Variants in CEACAM21 observed in about 807,000 individuals in gnomAD.
CEACAM21 encodes CEA cell adhesion molecule 21, also known as cell adhesion molecule CEACAM21.
CEACAM21 carries 38 observed loss-of-function variants against 33.2 expected under a neutral mutation model. That is an observed-to-expected ratio of 1.14 (90% CI 0.88 to 1.50). The LOEUF (loss-of-function observed/expected upper bound fraction) is 1.50. Among genes scored for constraint, CEACAM21 ranks in the 40% most tolerant of loss-of-function variants. The probability of loss-of-function intolerance (pLI) is 0.00; values close to 1 mark genes in which losing one functional copy is unlikely to be tolerated. For missense variants in CEACAM21, 385 were observed against 364.6 expected, an observed-to-expected ratio of 1.06 and a Z score of -0.46; for synonymous variants, 156 against 143.0, an observed-to-expected ratio of 1.09 and a Z score of -0.65.
At chr19:41,583,672 A>T (rs781889383) in intron 3 of CEACAM21, among the ~76,000 whole-genome samples, 5 of 151,736 alleles carry the variant, frequency 3.3e-5, no homozygotes, top group Non-Finnish European at 7.4e-5. Context: ...TTATGAAACC[A>T]TCTGATCTCC....
chr19:41,577,452 A>G lies in CEACAM21; in HGVS notation c.317A>G (p.Asp106Gly), dbSNP rs1555791696. 1.2e-6 allele frequency: 2 copies of G among 1,614,160 alleles called. No individual in the cohort carries two copies. The highest frequency in any genetic ancestry group is 3.3e-5 in the Admixed American group (2 of 60,018). The change falls in exon 2 of 7, where the codon GAT becomes GGT. Residue 106 changes from aspartate (D) to glycine (G), a missense_variant. Transcript: ENST00000401445. ...CGAGAGACAATATCACCCAGTGGAG[A>G]TCTGCATTTCCAGAACGTCACCCTA... ...SGRETISPSG[D>G]LHFQNVTLED...
chr19:41,578,532 C>G (rs138863709), intron 2 of CEACAM21, among the ~76,000 whole-genome samples: 1,684 of 152,298 alleles, frequency 0.011, 29 homozygotes, highest in African/African-American at 0.038. Context: ...AGCCCAGAAT[C>G]TGGTCGTGGC....
chr19:41,585,206 A>G (rs2070635141), intron 4 of CEACAM21, among the ~76,000 whole-genome samples: 1 of 151,966 alleles, frequency 6.6e-6, no homozygotes, highest in Non-Finnish European at 1.5e-5. Context: ...CACTGGATCA[A>G]TGTTCTCCTG....
upstream of CEACAM21, among the ~76,000 whole-genome samples, chr19:41,572,734 G>A (rs1276174350): frequency 6.6e-6 from 1 of 152,056 alleles, no homozygotes; most frequent in African/African-American, 2.4e-5. Context: ...CATAGAATCC[G>A]GCCCTGAATT....
Position 41,585,735 on chromosome 19 carries a change from G to A in CEACAM21, c.851-105G>A, listed in dbSNP as rs925917716. On this transcript the variant is annotated intron_variant, in intron 5 of 6. Transcript: ENST00000401445. ...TGACCCCTAAAATAACCTGAGAAAG[G>A]CTCCCTCTCCCCAATTCTCTAAGAA... 3.2e-6 allele frequency: 4 copies of A among 1,253,346 alleles called. No individual in the cohort carries two copies. In the African/African-American group the frequency reaches 6.0e-5, roughly 19 times the overall value. The allele number at this position is 1,253,346 out of a possible 1,614,324, so 77.6% of individuals were successfully genotyped here.
chr19:41,583,893 G>T (rs2070503429), intron 3 of CEACAM21, among the ~76,000 whole-genome samples: 1 of 151,702 alleles, frequency 6.6e-6, no homozygotes. Context: ...AAGGCAATGG[G>T]AGGGTGAGAA....
intron 1 of CEACAM21, chr19:41,551,401 C>T (rs531070180): frequency 6.6e-6 from 1 of 152,352 alleles, no homozygotes; most frequent in East Asian, 1.9e-4. Context: ...TCAGGTGATC[C>T]ACCTCCTGGG....
chr19:41,560,126 A>G (rs1481390780), intron 1 of CEACAM21, among the ~76,000 whole-genome samples: 1 of 152,234 alleles, frequency 6.6e-6, no homozygotes, highest in Non-Finnish European at 1.5e-5. Context: ...TTCTCCCATT[A>G]TTCAAGAAAC....
At chr19:41,581,865 A>G (rs1032416114) in intron 3 of CEACAM21, among the ~76,000 whole-genome samples, 4 of 152,160 alleles carry the variant, frequency 2.6e-5, no homozygotes, top group African/African-American at 4.8e-5. Context: ...GAGCCAAACC[A>G]TGTCATTCCA....
At chr19:41,569,699 C>T (rs2042481931) in intron 2 of CEACAM21, among the ~76,000 whole-genome samples, 1 of 152,138 alleles carries the variant, frequency 6.6e-6, no homozygotes, top group Non-Finnish European at 1.5e-5. Context: ...TGCTTTGCCC[C>T]AGGGTGTGGA....
At chr19:41,564,936 G>A (rs1294504393) in exon 2 of CEACAM21, 1 of 152,344 alleles carries the variant, frequency 6.6e-6, no homozygotes, top group Non-Finnish European at 1.5e-5. Flanking sequence ...TGACACAGTC[G>A]GATTCCCAAG....
At chr19:41,571,285 T>A (rs1435250354), upstream of CEACAM21, among the ~76,000 whole-genome samples, 6 of 152,218 alleles carry the variant, frequency 3.9e-5, no homozygotes, top group African/African-American at 1.4e-4. Context: ...ATCTTCAATA[T>A]CTGTCAAAAT....
In CEACAM21 at chr19:41,584,381, C is replaced by T; in HGVS notation, c.735C>T (p.Val245=). The change falls in exon 4 of 7, where the codon GTC becomes GTT. Residue 245 remains valine (V), a synonymous_variant. Transcript: ENST00000401445. ...ACACTCTAGGCATCCTGATCGGGGT[C>T]CTGGTTGGGAGTCTTCTGGTGGCTG... The part of the protein sequence containing the change: ...DDNTLGILIG[V]LVGSLLVAAL... 1 of 1,611,842 alleles carries T rather than the reference C, an allele frequency of 6.2e-7. No individual in the cohort carries two copies.
At chr19:41,585,994 C>A (rs1979959277) in intron 6 of CEACAM21, 123 bp downstream of exon 6, 2 of 1,007,300 alleles carry the variant, frequency 2.0e-6, no homozygotes, top group Admixed American at 4.0e-5. Context: ...TAAGGTTAGA[C>A]CTGCCCTGGC....
rs1555791773 is a variant in CEACAM21, at chr19:41,577,536, C to T, written c.401C>T (p.Ala134Val). The T allele has an allele frequency of 6.2e-7, 1 of 1,613,932 alleles. No homozygotes were observed. Among genetic ancestry groups the T allele is most frequent in the Non-Finnish European group, 8.5e-7 (1 of 1,180,006 alleles). The change falls in exon 2 of 7, where the codon GCA becomes GTA. Residue 134 changes from alanine (A) to valine (V), a missense_variant. By Grantham distance (64) the Ala-to-Val change is moderately conservative (BLOSUM62 0). Coordinates refer to ENST00000401445, the MANE Select transcript of CEACAM21 (RefSeq NM_001098506.4). ...VTYRNSQIEQ[A>V]SHHLRVYESV... The stretch of plus-strand genomic sequence containing the variant: ...TACAGAAATTCTCAGATTGAACAGG[C>T]ATCTCACCATCTCCGTGTATACGGT...
intron 1 of CEACAM21, among the ~76,000 whole-genome samples, chr19:41,561,783 C>A (rs1171847483): frequency 6.6e-6 from 1 of 152,088 alleles, no homozygotes; most frequent in Admixed American, 6.5e-5. Context: ...ATAAAGGTAG[C>A]ATTACAGATA....
intron 3 of CEACAM21, among the ~76,000 whole-genome samples, chr19:41,583,887 C>A (rs1180196278): frequency 6.6e-6 from 1 of 151,812 alleles, no homozygotes; most frequent in African/African-American, 2.4e-5. Flanking sequence ...TCCCTCAAGG[C>A]AATGGGAGGG....
chr19:41,574,309 A>G (rs948337426), upstream of CEACAM21, among the ~76,000 whole-genome samples: 1 of 152,240 alleles, frequency 6.6e-6, no homozygotes, highest in African/African-American at 2.4e-5. Context: ...TCAATATGAC[A>G]TCAAGAGCAT....
chr19:41,586,131 A>C (rs2070719780), intron 6 of CEACAM21: 1 of 602,342 alleles, frequency 1.7e-6, no homozygotes, highest in Non-Finnish European at 3.0e-6. Context: ...CTGTCCCCTG[A>C]CACCCCTCTC....
Sources: gnomAD v4.1 joint callset for allele counts (sites outside exome capture counted in the v4.1 genomes callset) on GRCh38, gnomAD v4.1.1 for gene constraint, MANE v1.5 for transcripts, NCBI Gene and HGNC (gene_info 2026-07-23, HGNC 2026-07-21) for gene names.